The following ATG4B variants were observed in gnomAD, a reference collection of about 807,000 sequenced individuals.
The protein encoded by ATG4B is cysteine protease ATG4B.
ATG4B carries 29 observed loss-of-function variants against 56.6 expected under a neutral mutation model. The ratio of observed to expected loss-of-function variants is 0.51; its 90% CI spans 0.38 to 0.70. The LOEUF is 0.70. Ranked by LOEUF, ATG4B falls within the 30% of genes least tolerant of loss-of-function variation. The probability of loss-of-function intolerance (pLI) is 0.00; values close to 1 mark genes in which losing one functional copy is unlikely to be tolerated. For missense variants in ATG4B, 461 were observed against 515.5 expected, an observed-to-expected ratio of 0.89 and a Z score of 1.02; for synonymous variants, 224 against 206.1, an observed-to-expected ratio of 1.09 and a Z score of -0.74.
At chr2:241,650,568 A>G (rs1162150048) in intron 1 of ATG4B, among the ~76,000 whole-genome samples, 2 of 152,138 alleles carry the variant, frequency 1.3e-5, no homozygotes, top group Non-Finnish European at 2.9e-5. Context: ...CTTGCGTACA[A>G]GGATGAAGGA....
Position 241,653,519 on chromosome 2 carries a change from A to G in ATG4B, c.192A>G (p.Thr64=). The G allele has an allele frequency of 2.5e-6, 4 of 1,579,332 alleles. No individual in the cohort carries two copies. Among genetic ancestry groups the G allele is most frequent in the Non-Finnish European group, 3.4e-6 (4 of 1,162,552 alleles). ...CTCTGTCTGCCACGACAGGGGGGAC[A>G]GGCCCCACCTCGGACACAGGCTGGG... ...YRKNFPAIGG[T]GPTSDTGWGC... is the part of the protein sequence containing the mutation. Residue 64 remains threonine, a synonymous_variant, in exon 4 of 13, where the codon ACA becomes ACG. Transcript: ENST00000404914.
At chr2:241,652,968 A>G (rs142749344) in intron 3 of ATG4B, among the ~76,000 whole-genome samples, 7,676 of 152,214 alleles carry the variant, frequency 0.05, 380 homozygotes, top group African/African-American at 0.13. Flanking sequence ...GACCCCTGCT[A>G]TGGGCTGGCA....
intron 1 of ATG4B, among the ~76,000 whole-genome samples, chr2:241,647,289 C>T (rs1332581539): frequency 6.6e-6 from 1 of 152,156 alleles, no homozygotes; most frequent in Non-Finnish European, 1.5e-5. Context: ...AATGTTCCAA[C>T]AGCAAGATGG....
At chr2:241,670,204 A>G (rs1310690425) in intron 10 of ATG4B, among the ~76,000 whole-genome samples, 1 of 152,074 alleles carries the variant, frequency 6.6e-6, no homozygotes, top group African/African-American at 2.4e-5. Flanking sequence ...CTGTCATTAC[A>G]GGCGGCAGCT....
At chr2:241,655,564 A>G (rs2068372512) in intron 6 of ATG4B, 2 of 577,498 alleles carry the variant, frequency 3.5e-6, no homozygotes, top group Non-Finnish European at 6.1e-6. Flanking sequence ...TGGCTGGCAC[A>G]TTGGACCCTT....
intron 7 of ATG4B, among the ~76,000 whole-genome samples, chr2:241,661,509 G>A (rs1022303255): frequency 1.3e-5 from 2 of 152,194 alleles, no homozygotes; most frequent in Admixed American, 6.5e-5. Context: ...GAAGAAGTCC[G>A]CAAAGCCGAA....
In ATG4B at chr2:241,672,274, G is replaced by A. The variant is rs1388956319; in HGVS notation, c.*10G>A. 6.4e-7 allele frequency: 1 copy of A among 1,563,896 alleles called. No individual in the cohort carries two copies. The highest frequency in any genetic ancestry group is 8.7e-7 in the Non-Finnish European group (1 of 1,153,162). ...AATCCTGTCCCTTTGAAAATCCTGG[G>A]GTCGGGGGTGGCACCTGTGAGAGCC... On this transcript the variant is annotated 3_prime_UTR_variant, in exon 13 of 13. Coordinates refer to ENST00000404914, the MANE Select transcript of ATG4B (RefSeq NM_013325.5).
chr2:241,644,813 G>A (rs2125115399), intron 1 of ATG4B, among the ~76,000 whole-genome samples: 1 of 152,132 alleles, frequency 6.6e-6, no homozygotes, highest in South Asian at 2.1e-4. Flanking sequence ...GCCAGGCGTG[G>A]TGGCACACAC....
chr2:241,653,149 A>G (rs563193933), intron 3 of ATG4B, among the ~76,000 whole-genome samples: 3 of 152,360 alleles, frequency 2.0e-5, no homozygotes, highest in East Asian at 3.9e-4. Flanking sequence ...GATGTCATCA[A>G]GCGTTTGAAT....
chr2:241,669,274 C>T (rs1259145637), intron 10 of ATG4B, among the ~76,000 whole-genome samples: 1 of 152,100 alleles, frequency 6.6e-6, no homozygotes. Context: ...GCCAAAAAAC[C>T]CCCCTAGAAA....
At chr2:241,653,365 A>G in intron 3 of ATG4B, 147 bp from the exon 4 acceptor site, 1 of 1,550,252 alleles carries the variant, frequency 6.5e-7, no homozygotes, top group Non-Finnish European at 8.7e-7. Flanking sequence ...ACTGAGTCCT[A>G]AGAGGTGTGT....
chr2:241,658,981 G>C (rs1359046403), intron 6 of ATG4B, 127 bp from the exon 7 acceptor site: 1 of 635,290 alleles, frequency 1.6e-6, no homozygotes, highest in Non-Finnish European at 2.7e-6. Flanking sequence ...CCGGATTTTA[G>C]GAGCCTTGGC....
chr2:241,666,762 G>A lies in ATG4B; in HGVS notation c.656G>A (p.Trp219Ter). 6.2e-7 allele frequency: 1 copy of A among 1,600,770 alleles called. No individual in the cohort carries two copies. The highest frequency in any genetic ancestry group is 8.5e-7 in the Non-Finnish European group (1 of 1,173,624). Residue 219 changes from tryptophan to a stop codon, truncating the protein, a stop_gained, in exon 8 of 13, where the codon TGG becomes TAG. Coordinates refer to ENST00000404914, the MANE Select transcript of ATG4B (RefSeq NM_013325.5). LOFTEE classifies it high-confidence loss of function. Reference protein sequence around the residue: ...GAEVTNRPSPWRPLVLLIPLR... With the variant: ...GAEVTNRPSP ...GAGGTCACCAACAGGCCGTCGCCATGGAGACCCCTGGTACTTCTCATTCCC... is the reference window on the plus strand; with the variant it reads ...GAGGTCACCAACAGGCCGTCGCCATAGAGACCCCTGGTACTTCTCATTCCC...
At chr2:241,665,225 C>G (rs1322706431) in intron 7 of ATG4B, among the ~76,000 whole-genome samples, 1 of 152,192 alleles carries the variant, frequency 6.6e-6, no homozygotes, top group Non-Finnish European at 1.5e-5. Context: ...GCCACAAACC[C>G]TCCACCTAGA....
intron 1 of ATG4B, among the ~76,000 whole-genome samples, chr2:241,642,179 T>A (rs1396208799): frequency 1.3e-5 from 2 of 151,824 alleles, no homozygotes; most frequent in Non-Finnish European, 1.5e-5. Context: ...TTTTTTTTTT[T>A]TCTTGAGATG....
intron 7 of ATG4B, among the ~76,000 whole-genome samples, chr2:241,663,604 C>T (rs1268562656): frequency 6.6e-6 from 1 of 152,096 alleles, no homozygotes; most frequent in East Asian, 1.9e-4. Context: ...GCATACAACT[C>T]AAGAATTCGG....
chr2:241,656,258 TG>T (rs2068399357), intron 6 of ATG4B, among the ~76,000 whole-genome samples: 1 of 152,174 alleles, frequency 6.6e-6, no homozygotes, highest in African/African-American at 2.4e-5. Flanking sequence ...TCAGGTTCCC[TG>T]GGGTCCTGCA....
intron 7 of ATG4B, among the ~76,000 whole-genome samples, chr2:241,661,463 C>A (rs1470533886): frequency 6.6e-6 from 1 of 152,080 alleles, no homozygotes; most frequent in Non-Finnish European, 1.5e-5. Flanking sequence ...TTTTTTCAGT[C>A]GTGCTGCTAA....
chr2:241,644,878 G>A (rs182894751), intron 1 of ATG4B, among the ~76,000 whole-genome samples: 1 of 152,128 alleles, frequency 6.6e-6, no homozygotes, highest in Admixed American at 6.5e-5. Flanking sequence ...GAAACCGGGA[G>A]GCGGAGGTTG....
Sources: allele counts gnomAD v4.1 joint callset (sites outside exome capture counted in the v4.1 genomes callset), GRCh38; gene constraint gnomAD v4.1.1; transcripts MANE v1.5; gene names NCBI Gene and HGNC (gene_info 2026-07-23, HGNC 2026-07-21).